KCNQ3: variants seen among roughly 807,000 people sequenced by gnomAD.
KCNQ3 encodes the protein potassium voltage-gated channel subfamily KQT member 3.
Under a neutral mutation model 92.5 loss-of-function variants are expected in KCNQ3, and 30 were observed. The observed-to-expected ratio is 0.32, with a 90% CI of 0.24 to 0.44. The LOEUF is 0.44. KCNQ3 is among the 20% of genes least tolerant of loss of function. KCNQ3 has a pLI of 1.00. For missense variants in KCNQ3, 913 were observed against 1,140.3 expected, an observed-to-expected ratio of 0.80 and a Z score of 2.87; for synonymous variants, 450 against 468.8, an observed-to-expected ratio of 0.96 and a Z score of 0.52.
chr8:132,140,466 G>A, intron 10 of KCNQ3: 3 of 389,636 alleles, frequency 7.7e-6, no homozygotes, highest in Admixed American at 4.3e-5. Flanking sequence ...TTCCAGAGTG[G>A]CCCCCAGAGC....
intron 1 of KCNQ3, among the ~76,000 whole-genome samples, chr8:132,353,692 T>G (rs1818939520): frequency 6.6e-6 from 1 of 152,118 alleles, no homozygotes; most frequent in African/African-American, 2.4e-5. Context: ...CGCACGGCTG[T>G]AATCTCAGCT....
At chr8:132,382,779 C>G (rs1019863238) in intron 1 of KCNQ3, among the ~76,000 whole-genome samples, 5 of 152,102 alleles carry the variant, frequency 3.3e-5, no homozygotes, top group African/African-American at 1.2e-4. Flanking sequence ...ACGGGCATAC[C>G]ATCCTTGGTG....
chr8:132,448,769 G>A (rs1274335037), intron 1 of KCNQ3, among the ~76,000 whole-genome samples: 1 of 152,198 alleles, frequency 6.6e-6, no homozygotes, highest in Admixed American at 6.5e-5. Context: ...TGGGTTGATG[G>A]ACTTAAATTT....
At chr8:132,325,590 G>A (rs966742058) in intron 1 of KCNQ3, among the ~76,000 whole-genome samples, 3 of 152,196 alleles carry the variant, frequency 2.0e-5, no homozygotes, top group African/African-American at 7.2e-5. Context: ...GACATAAACA[G>A]AGGAAAGAAA....
intron 13 of KCNQ3, 104 bp from the exon 14 acceptor site, chr8:132,132,368 C>T (rs1391390636): frequency 1.3e-5 from 11 of 839,862 alleles, no homozygotes; most frequent in Non-Finnish European, 2.2e-5. Context: ...CGTTCTCACC[C>T]TCACACTTGT....
At chr8:132,319,615 TA>T (rs778913792) in intron 1 of KCNQ3, among the ~76,000 whole-genome samples, 1 of 152,124 alleles carries the variant, frequency 6.6e-6, no homozygotes, top group Non-Finnish European at 1.5e-5. Context: ...GCCCCGGGAA[TA>T]AAAGAGTCAT....
At chr8:132,347,513 G>T (rs1818726967) in intron 1 of KCNQ3, among the ~76,000 whole-genome samples, 1 of 152,140 alleles carries the variant, frequency 6.6e-6, no homozygotes, top group Non-Finnish European at 1.5e-5. Flanking sequence ...AAATACTTAA[G>T]ACAATACACA....
intron 1 of KCNQ3, among the ~76,000 whole-genome samples, chr8:132,275,208 C>A: frequency 6.6e-6 from 1 of 151,546 alleles, no homozygotes; most frequent in Non-Finnish European, 1.5e-5. Flanking sequence ...ATAGTAGTCA[C>A]TCAATAAATA....
At chr8:132,178,813 C>G (rs1294015790) in intron 4 of KCNQ3, among the ~76,000 whole-genome samples, 1 of 151,692 alleles carries the variant, frequency 6.6e-6, no homozygotes, top group Non-Finnish European at 1.5e-5. Context: ...AAACTCTAAG[C>G]TCCTTAATGT....
intron 1 of KCNQ3, among the ~76,000 whole-genome samples, chr8:132,326,741 A>T (rs1262979164): frequency 6.6e-6 from 1 of 152,180 alleles, no homozygotes; most frequent in Non-Finnish European, 1.5e-5. Context: ...AATCCTACCC[A>T]TGACTTGTCT....
chr8:132,141,744 G>T (rs1825303803), intron 9 of KCNQ3, among the ~76,000 whole-genome samples: 1 of 152,064 alleles, frequency 6.6e-6, no homozygotes, highest in African/African-American at 2.4e-5. Flanking sequence ...CCTTATCAAA[G>T]GATTCCTCCT....
At chr8:132,146,595 T>C (rs1221551098) in intron 9 of KCNQ3, among the ~76,000 whole-genome samples, 1 of 76,586 alleles carries the variant, frequency 1.3e-5, no homozygotes, top group Non-Finnish European at 2.7e-5. Flanking sequence ...TATAGACCTG[T>C]ACTTTTTTTT....
At chr8:132,419,586 T>C (rs1464900439) in intron 1 of KCNQ3, among the ~76,000 whole-genome samples, 1 of 152,166 alleles carries the variant, frequency 6.6e-6, no homozygotes, top group East Asian at 1.9e-4. Context: ...CACACCCATC[T>C]CCACCACTGA....
chr8:132,450,380 T>G (rs1458095175), intron 1 of KCNQ3, among the ~76,000 whole-genome samples: 1 of 152,148 alleles, frequency 6.6e-6, no homozygotes, highest in Non-Finnish European at 1.5e-5. Flanking sequence ...GAGCGCTGAT[T>G]GGTGCATTTT....
chr8:132,374,077 C>A (rs1039717302), intron 1 of KCNQ3, among the ~76,000 whole-genome samples: 1 of 152,084 alleles, frequency 6.6e-6, no homozygotes, highest in Non-Finnish European at 1.5e-5. Context: ...TGGACCAGAG[C>A]CTCAAACTCC....
chr8:132,263,059 G>A (rs947876417), intron 1 of KCNQ3, among the ~76,000 whole-genome samples: 3 of 152,112 alleles, frequency 2.0e-5, no homozygotes, highest in East Asian at 1.9e-4. Flanking sequence ...TATCTGACCC[G>A]AAAGCCAAAA....
At chr8:132,187,940 T>C (rs113718770) in intron 1 of KCNQ3, among the ~76,000 whole-genome samples, 2,666 of 150,932 alleles carry the variant, frequency 0.018, 88 homozygotes, top group African/African-American at 0.062. Flanking sequence ...GTGATGGTGG[T>C]GGTGGTGGTG....
At chr8:132,204,422 C>G (rs1198836454) in intron 1 of KCNQ3, among the ~76,000 whole-genome samples, 2 of 152,240 alleles carry the variant, frequency 1.3e-5, no homozygotes, top group Non-Finnish European at 1.5e-5. Context: ...TTTGAAATAA[C>G]ATCTCACATC....
chr8:132,226,248 G>A (rs1048448044), intron 1 of KCNQ3, among the ~76,000 whole-genome samples: 1 of 150,118 alleles, frequency 6.7e-6, no homozygotes, highest in Non-Finnish European at 1.5e-5. Flanking sequence ...TCCAGCCTGG[G>A]TGAGAGAGCA....
Sources: gnomAD v4.1 joint callset for allele counts (sites outside exome capture counted in the v4.1 genomes callset) on GRCh38, gnomAD v4.1.1 for gene constraint, MANE v1.5 for transcripts, NCBI Gene and HGNC (gene_info 2026-07-23, HGNC 2026-07-21) for gene names.